Variants in GALK2 observed in about 807,000 individuals in gnomAD.
GALK2 encodes galactokinase 2, also known as N-acetylgalactosamine kinase.
GALK2 carries 36 observed loss-of-function variants against 52.4 expected under a neutral mutation model. That is an observed-to-expected ratio of 0.69 (90% confidence interval 0.53 to 0.91). The LOEUF (loss-of-function observed/expected upper bound fraction) is 0.91. Ranked by LOEUF, GALK2 falls within the 40% of genes least tolerant of loss-of-function variation. The probability of loss-of-function intolerance (pLI) is 0.00; values close to 1 mark genes in which losing one functional copy is unlikely to be tolerated. For synonymous variants in GALK2, 176 were observed against 199.1 expected (o/e 0.88, Z 0.98); for missense variants, 579 against 559.1 (o/e 1.04, Z -0.36).
At chr15:49,155,820 TCCGG>T in exon 1 of GALK2, 1 of 727,226 alleles carries the variant, frequency 1.4e-6, no homozygotes, top group South Asian at 1.8e-5. Context: ...TGGGACATCG[TCCGG>T]TGCTGCAGGT....
In GALK2 at chr15:49,224,135, G is replaced by A. The variant is rs573750087; in HGVS notation, c.266+6822G>A. Among the ~76,000 whole-genome samples, 14 of 152,182 alleles carry A rather than the reference G, an allele frequency of 9.2e-5. 1 individual carries two copies. The highest frequency in any genetic ancestry group is 2.9e-4 in the African/African-American group (12 of 41,540). The stretch of plus-strand genomic sequence containing the variant: ...TTGTGGTTTTGATTTGCATTTGTAT[G>A]TCTTCCTTTGAGAAGTGTTTGTTCA... On this transcript the variant is annotated intron_variant, in intron 3 of 9. Transcript: ENST00000560031.
intron 5 of GALK2, among the ~76,000 whole-genome samples, chr15:49,264,796 G>A (rs1267355983): frequency 6.6e-6 from 1 of 152,330 alleles, no homozygotes; most frequent in Non-Finnish European, 1.5e-5. Context: ...CTAACAGACA[G>A]GACCCTCAGC....
At chr15:49,256,900 T>A (rs75536674) in intron 5 of GALK2, among the ~76,000 whole-genome samples, 9,175 of 152,194 alleles carry the variant, frequency 0.06, 552 homozygotes, top group African/African-American at 0.15. Context: ...CTGAATTAAT[T>A]AAAAAAATGT....
chr15:49,156,418 G>A (rs1287266627), intron 1 of GALK2: 9 of 440,088 alleles, frequency 2.0e-5, no homozygotes, highest in Non-Finnish European at 3.6e-5. Context: ...TCGCTCCCAG[G>A]CACCCCTCTA....
At chr15:49,318,583 T>C (rs1387977860) in intron 8 of GALK2, among the ~76,000 whole-genome samples, 1 of 152,194 alleles carries the variant, frequency 6.6e-6, no homozygotes, top group Non-Finnish European at 1.5e-5. Context: ...AAGTCCTCTG[T>C]TATTAGATAT....
downstream of GALK2, among the ~76,000 whole-genome samples, chr15:49,336,281 C>G (rs2039699381): frequency 6.6e-6 from 1 of 152,228 alleles, no homozygotes; most frequent in Admixed American, 6.5e-5. Flanking sequence ...TTCCTCTGTC[C>G]TGTCTGTTTC....
upstream of GALK2, among the ~76,000 whole-genome samples, chr15:49,167,733 A>C (rs2084868305): frequency 6.6e-6 from 1 of 152,232 alleles, no homozygotes; most frequent in Non-Finnish European, 1.5e-5. Context: ...TTGAAAAGGA[A>C]ATAATATTTT....
rs994854679 is a variant in GALK2, at chr15:49,233,591, G to A, written c.267-2260G>A. Among the ~76,000 whole-genome samples the A allele has an allele frequency of 3.9e-5, 6 of 152,184 alleles. 1 individual carries two copies. Among genetic ancestry groups the A allele is most frequent in the Admixed American group, 3.9e-4 (6 of 15,270 alleles). On this transcript the variant is annotated intron_variant, in intron 3 of 9. Transcript: ENST00000560031. ...TTCTTTTCTTAGTGACTTTCAAGATGTCCTTTTAACTAGGAATAGAACCTG... is the reference window on the plus strand; with the variant it reads ...TTCTTTTCTTAGTGACTTTCAAGATATCCTTTTAACTAGGAATAGAACCTG...
chr15:49,238,539 A>G (rs1353523149), intron 4 of GALK2, among the ~76,000 whole-genome samples: 1 of 152,214 alleles, frequency 6.6e-6, no homozygotes, highest in Non-Finnish European at 1.5e-5. Context: ...TTAAATCACA[A>G]TGACGGTTTG....
intron 5 of GALK2, among the ~76,000 whole-genome samples, chr15:49,250,587 A>C (rs2091550147): frequency 6.6e-6 from 1 of 152,128 alleles, no homozygotes; most frequent in African/African-American, 2.4e-5. Context: ...TCCAGCTCAC[A>C]TATTTTTGAT....
At chr15:49,202,010 C>CT (rs1390293012) in intron 2 of GALK2, among the ~76,000 whole-genome samples, 2 of 151,744 alleles carry the variant, frequency 1.3e-5, no homozygotes, top group South Asian at 2.1e-4. Flanking sequence ...GTGTTATTCT[C>CT]TTTTTTTTCT....
chr15:49,176,820 G>A (rs780918650), intron 1 of GALK2, among the ~76,000 whole-genome samples: 2 of 152,266 alleles, frequency 1.3e-5, no homozygotes, highest in African/African-American at 4.8e-5. Flanking sequence ...TCAAATGTAA[G>A]CATCTGGGTT....
chr15:49,262,338 T>A (rs538066411), intron 5 of GALK2, among the ~76,000 whole-genome samples: 2 of 152,224 alleles, frequency 1.3e-5, no homozygotes, highest in Non-Finnish European at 2.9e-5. Flanking sequence ...TCTTCTGGAT[T>A]TTCTAGTTTA....
At chr15:49,182,116 C>A (rs1163051753) in intron 1 of GALK2, among the ~76,000 whole-genome samples, 1 of 151,950 alleles carries the variant, frequency 6.6e-6, no homozygotes, top group Non-Finnish European at 1.5e-5. Context: ...ATTTTTGTAC[C>A]TATTAACCAT....
chr15:49,360,789 T>C (rs1293549000), intron 3 of GALK2, among the ~76,000 whole-genome samples: 1 of 152,222 alleles, frequency 6.6e-6, no homozygotes, highest in East Asian at 1.9e-4. Context: ...TTAGTGTACA[T>C]TAACTAGTAA....
At chr15:49,335,476 C>T (rs200882794), downstream of GALK2, 250 of 1,613,302 alleles carry the variant, frequency 1.5e-4, no homozygotes, top group East Asian at 3.6e-4. Context: ...TATAACATCA[C>T]GGTATGTTGG....
At chr15:49,192,995 ACCTTTTT>A (rs2086886938) in intron 1 of GALK2, among the ~76,000 whole-genome samples, 1 of 126,706 alleles carries the variant, frequency 7.9e-6, no homozygotes. Flanking sequence ...TTCTGTTTAT[ACCTTTTT>A]TTTTTTTTTT....
At chr15:49,210,955 T>C (rs1159144135) in intron 2 of GALK2, among the ~76,000 whole-genome samples, 1 of 97,784 alleles carries the variant, frequency 1.0e-5, no homozygotes. Flanking sequence ...CAATGTTGGC[T>C]GTCACACACA....
chr15:49,358,456 G>C (rs1375229431), intron 3 of GALK2, among the ~76,000 whole-genome samples: 22 of 140,720 alleles, frequency 1.6e-4, no homozygotes, highest in Non-Finnish European at 2.9e-4. Context: ...GACAAACAGA[G>C]AGCCAAATCA....
Sources: allele counts gnomAD v4.1 joint callset (sites outside exome capture counted in the v4.1 genomes callset), GRCh38; gene constraint gnomAD v4.1.1; transcripts MANE v1.5; gene names NCBI Gene and HGNC (gene_info 2026-07-23, HGNC 2026-07-21).